DCLK1: variants seen among roughly 807,000 people sequenced by gnomAD.
DCLK1 encodes serine/threonine-protein kinase DCLK1.
DCLK1 carries 16 observed loss-of-function variants against 86.2 expected under a neutral mutation model. The ratio of observed to expected loss-of-function variants is 0.19; its 90% confidence interval spans 0.13 to 0.28. DCLK1 has a LOEUF of 0.28. DCLK1 is among the 10% of genes least tolerant of loss of function. The probability of loss-of-function intolerance (pLI) is 1.00; values close to 1 mark genes in which losing one functional copy is unlikely to be tolerated. For synonymous variants in DCLK1, 369 were observed against 370.5 expected (o/e 1.00, Z 0.05); for missense variants, 590 against 940.2 (o/e 0.63, Z 4.87).
intron 15 of DCLK1, among the ~76,000 whole-genome samples, chr13:35,794,797 A>G (rs2086774929): frequency 6.6e-6 from 1 of 152,232 alleles, no homozygotes; most frequent in South Asian, 2.1e-4. Flanking sequence ...TTTTCATTAT[A>G]TCAATTTGCA....
At chr13:35,866,609 T>A (rs1871809899) in intron 5 of DCLK1, among the ~76,000 whole-genome samples, 1 of 145,354 alleles carries the variant, frequency 6.9e-6, no homozygotes, top group Non-Finnish European at 1.5e-5. Flanking sequence ...TCCAGGCTAA[T>A]TTTTGTATTT....
intron 4 of DCLK1, among the ~76,000 whole-genome samples, chr13:35,923,598 C>A (rs1875933259): frequency 6.6e-6 from 1 of 151,392 alleles, no homozygotes; most frequent in South Asian, 2.1e-4. Context: ...CACACGCTGG[C>A]TCAGCCCCTG....
At chr13:35,857,494 C>G (rs1200235856) in intron 5 of DCLK1, among the ~76,000 whole-genome samples, 1 of 152,206 alleles carries the variant, frequency 6.6e-6, no homozygotes, top group Non-Finnish European at 1.5e-5. Context: ...CCCTTGCAAG[C>G]AGCCCACCCT....
chr13:35,867,316 G>A (rs1190252656), intron 5 of DCLK1, among the ~76,000 whole-genome samples: 1 of 152,148 alleles, frequency 6.6e-6, no homozygotes, highest in Admixed American at 6.5e-5. Flanking sequence ...AATATGATCA[G>A]TGTTATATAA....
intron 4 of DCLK1, among the ~76,000 whole-genome samples, chr13:35,936,962 C>CTTTTTTTTTT (rs140269668): frequency 4.6e-5 from 3 of 65,712 alleles, no homozygotes; most frequent in East Asian, 6.2e-4. Context: ...GAAAAGTTAG[C>CTTTTTTTTTT]TTTTTTTTTT....
intron 3 of DCLK1, among the ~76,000 whole-genome samples, chr13:36,045,326 GTGTGTGTATATATATATA>G (rs1298803662): frequency 8.7e-4 from 53 of 60,932 alleles, no homozygotes; most frequent in African/African-American, 2.5e-3. Context: ...ATATGTGTGT[GTGTGTGTATATATATATA>G]TATATATATA....
chr13:36,090,659 G>A (rs1461661918), intron 3 of DCLK1, among the ~76,000 whole-genome samples: 1 of 152,184 alleles, frequency 6.6e-6, no homozygotes, highest in Non-Finnish European at 1.5e-5. Flanking sequence ...CCCACCGTGA[G>A]AGCTTGAACG....
At chr13:35,975,423 G>T (rs1422284221) in intron 3 of DCLK1, among the ~76,000 whole-genome samples, 1 of 152,104 alleles carries the variant, frequency 6.6e-6, no homozygotes, top group African/African-American at 2.4e-5. Context: ...GGGCAACAAG[G>T]TGCAGGGAGG....
In DCLK1 at chr13:35,907,182, A is replaced by G. The variant is rs555118698; in HGVS notation, c.824-35842T>C. On this transcript the variant is annotated intron_variant, in intron 4 of 16. Transcript: ENST00000360631. ...TTATTCATTTTCCTTTATTTATTTG[A>G]GACAGGGTCTCAGTCTATCACCCAG... 8.5e-5 allele frequency among the ~76,000 whole-genome samples: 13 copies of G among 152,230 alleles called. 1 individual carries two copies. The South Asian group carries it at 2.7e-3, about 32-fold the overall frequency.
chr13:35,774,902 A>G (rs558334850), intron 16 of DCLK1, among the ~76,000 whole-genome samples: 1 of 152,214 alleles, frequency 6.6e-6, no homozygotes, highest in African/African-American at 2.4e-5. Flanking sequence ...CCTGGTCATG[A>G]CATCTGCAGG....
chr13:35,866,919 A>G (rs1871835422), intron 5 of DCLK1, among the ~76,000 whole-genome samples: 1 of 152,242 alleles, frequency 6.6e-6, no homozygotes. Flanking sequence ...GAGTAGGGAC[A>G]GGAGACCTGG....
chr13:35,902,590 G>T (rs1265910091), intron 4 of DCLK1, among the ~76,000 whole-genome samples: 3 of 152,162 alleles, frequency 2.0e-5, no homozygotes, highest in Non-Finnish European at 4.4e-5. Flanking sequence ...TGTAAGCCTG[G>T]GGGATGAGGG....
chr13:35,843,562 G>A (rs1320701259), intron 6 of DCLK1, among the ~76,000 whole-genome samples: 1 of 152,158 alleles, frequency 6.6e-6, no homozygotes, highest in African/African-American at 2.4e-5. Flanking sequence ...TAAATGGTGT[G>A]AGTTACTCTT....
chr13:35,780,299 A>G (rs1259598700), intron 16 of DCLK1, among the ~76,000 whole-genome samples: 1 of 152,154 alleles, frequency 6.6e-6, no homozygotes, highest in Non-Finnish European at 1.5e-5. Context: ...TTATTATTTT[A>G]TTAGTTATTT....
chr13:36,112,849 C>T (rs920853350), intron 2 of DCLK1, among the ~76,000 whole-genome samples: 4 of 152,178 alleles, frequency 2.6e-5, no homozygotes, highest in African/African-American at 9.7e-5. Context: ...AACATACAAA[C>T]TACAGCTTCA....
chr13:36,080,520 G>A (rs969012050), intron 3 of DCLK1, among the ~76,000 whole-genome samples: 4 of 152,202 alleles, frequency 2.6e-5, no homozygotes, highest in African/African-American at 7.2e-5. Context: ...GTTTCCTTCA[G>A]TGGGCTGAAA....
intron 3 of DCLK1, among the ~76,000 whole-genome samples, chr13:35,959,981 C>T (rs1427359460): frequency 6.6e-6 from 1 of 151,948 alleles, no homozygotes; most frequent in African/African-American, 2.4e-5. Flanking sequence ...TTGTGTTAGT[C>T]AACAGATTGT....
At chr13:36,131,738 C>CG (rs937011745), upstream of DCLK1, among the ~76,000 whole-genome samples, 8 of 152,178 alleles carry the variant, frequency 5.3e-5, no homozygotes, top group Admixed American at 3.9e-4. Context: ...CCCCCACCGT[C>CG]GGGGGAGGGA....
intron 15 of DCLK1, among the ~76,000 whole-genome samples, chr13:35,800,019 G>C (rs558416241): frequency 1.3e-5 from 2 of 152,324 alleles, no homozygotes; most frequent in African/African-American, 4.8e-5. Flanking sequence ...TGTGATGCTG[G>C]AGAAAGTAAC....
Sources: allele counts gnomAD v4.1 joint callset (sites outside exome capture counted in the v4.1 genomes callset), GRCh38; gene constraint gnomAD v4.1.1; transcripts MANE v1.5; gene names NCBI Gene and HGNC (gene_info 2026-07-23, HGNC 2026-07-21).